The following GTF3C4 variants were observed in gnomAD, a reference collection of about 807,000 sequenced individuals.
The protein encoded by GTF3C4 is general transcription factor IIIC subunit 4.
A neutral mutation model predicts 67.5 loss-of-function variants in GTF3C4; 28 were observed. The ratio of observed to expected loss-of-function variants is 0.41; its 90% confidence interval spans 0.31 to 0.57. The LOEUF is 0.57. GTF3C4 is among the 20% of genes least tolerant of loss of function. The pLI is 0.21. For synonymous variants in GTF3C4, 409 were observed against 393.0 expected, an observed-to-expected ratio of 1.04 and a Z score of -0.48; for missense variants, 831 against 1,033.2, an observed-to-expected ratio of 0.80 and a Z score of 2.68.
At chr9:132,670,107 G>A (rs779253482), upstream of GTF3C4, 5 of 1,573,176 alleles carry the variant, frequency 3.2e-6, no homozygotes, top group South Asian at 3.4e-5. Flanking sequence ...CACCGGGCGG[G>A]TAGGGACAAG....
In GTF3C4 at chr9:132,678,675, C is replaced by T; in HGVS notation, c.1056C>T (p.Gly352=). 1 of 1,614,060 alleles carries T rather than the reference C, an allele frequency of 6.2e-7. No individual in the cohort carries two copies. The highest frequency in any genetic ancestry group is 1.7e-5 in the Admixed American group (1 of 60,018). ...ILPVNLKAVK[G]YFTLRQPVIL... is the part of the protein sequence containing the mutation. ...CTGTCAATCTCAAAGCAGTCAAAGGCTATTTCACTTTAAGGCAGCCTGTTA... is the reference window on the plus strand; with the variant it reads ...CTGTCAATCTCAAAGCAGTCAAAGGTTATTTCACTTTAAGGCAGCCTGTTA... Residue 352 remains glycine, a synonymous_variant, in exon 2 of 5, where the codon GGC becomes GGT. Transcript: ENST00000372146. This position sits in a 1 kb window ranked among gnomAD's most constrained non-coding sequence, Gnocchi z 6.5.
At chr9:132,675,983 C>T (rs1835859530) in intron 1 of GTF3C4, among the ~76,000 whole-genome samples, 3 of 140,596 alleles carry the variant, frequency 2.1e-5, no homozygotes, top group Admixed American at 1.6e-4. Context: ...ACTGCAGGCT[C>T]CACCTCCCGG....
intron 2 of GTF3C4, among the ~76,000 whole-genome samples, chr9:132,682,957 G>C (rs1835968640): frequency 6.6e-6 from 1 of 152,122 alleles, no homozygotes; most frequent in Non-Finnish European, 1.5e-5. Flanking sequence ...GAAAGGCCTA[G>C]AGCCTGTGCC....
At chr9:132,675,183 G>C (rs763991220) in intron 1 of GTF3C4, among the ~76,000 whole-genome samples, 24 of 152,110 alleles carry the variant, frequency 1.6e-4, no homozygotes, top group Non-Finnish European at 2.9e-4. Flanking sequence ...GGAAATTAAG[G>C]TCAGAAGGTT....
At chr9:132,671,059 C>T (rs1835732431) in intron 1 of GTF3C4, 104 bp downstream of exon 1, 3 of 770,468 alleles carry the variant, frequency 3.9e-6, no homozygotes, top group South Asian at 3.1e-5. Context: ...CGGGGATTTC[C>T]CTCTTCGCAC....
chr9:132,680,691 G>A (rs535977870), intron 2 of GTF3C4, among the ~76,000 whole-genome samples: 11 of 152,336 alleles, frequency 7.2e-5, no homozygotes, highest in Non-Finnish European at 8.8e-5. Flanking sequence ...GCACTTTCTT[G>A]TTGGAAAGAA....
Position 132,678,771 on chromosome 9 carries a change from G to T in GTF3C4, c.1152G>T (p.Gln384His), listed in dbSNP as rs1469145911. The change falls in exon 2 of 5, where the codon CAG becomes CAT. Residue 384 changes from glutamine to histidine, a missense_variant. By Grantham distance (24) the Gln-to-His change is conservative. Coordinates refer to ENST00000372146, the MANE Select transcript of GTF3C4 (RefSeq NM_012204.4). The surrounding 1 kb of genome is among the most constrained non-coding windows in gnomAD (Gnocchi z 6.5). ...IKCVPLYHPY[Q>H]KCSCSLVVAA... The stretch of plus-strand genomic sequence containing the variant: ...GTGTGCCACTTTATCATCCTTACCA[G>T]AAGTGTAGTTGCAGCTTAGTAGTGG... 1 of 1,614,134 alleles carries T rather than the reference G, an allele frequency of 6.2e-7. No homozygotes were observed. Among genetic ancestry groups the T allele is most frequent in the Non-Finnish European group, 8.5e-7 (1 of 1,179,968 alleles).
chr9:132,678,960 G>A lies in GTF3C4; in HGVS notation c.1341G>A (p.Val447=). The A allele has an allele frequency of 6.2e-7, 1 of 1,614,198 alleles. No homozygotes were observed. Among genetic ancestry groups the A allele is most frequent in the African/African-American group, 1.3e-5 (1 of 75,046 alleles). The part of the protein sequence containing the change: ...TVYTCSSDGK[V]RQLIPIFTDV... ...ATACTTGCTCCAGTGACGGAAAGGTGAGGCAGCTGATTCCCATTTTCACAG... is the reference window on the plus strand; with the variant it reads ...ATACTTGCTCCAGTGACGGAAAGGTAAGGCAGCTGATTCCCATTTTCACAG... The change falls in exon 2 of 5, where the codon GTG becomes GTA. Residue 447 remains valine, a synonymous_variant. Coordinates refer to ENST00000372146, the MANE Select transcript of GTF3C4 (RefSeq NM_012204.4). The surrounding 1 kb of genome is among the most constrained non-coding windows in gnomAD (Gnocchi z 6.5).
rs573540645 is a variant in GTF3C4, at chr9:132,691,847, A to G, written c.*2902A>G. 6.6e-6 allele frequency: 1 copy of G among 152,350 alleles called. No individual in the cohort carries two copies. The highest frequency in any genetic ancestry group is 1.5e-5 in the Non-Finnish European group (1 of 68,032). 9.4% of individuals were successfully genotyped at this position (152,350 alleles called of 1,614,324 possible). On this transcript the variant is annotated 3_prime_UTR_variant, in exon 5 of 5. Coordinates refer to ENST00000372146, the MANE Select transcript of GTF3C4 (RefSeq NM_012204.4). Reference sequence around the variant, plus strand: ...AAGTTTTTGAGAATGTTAATGTTGAAGTATGCAGGCTGGACCTACCAGCAA... The same window carrying G: ...AAGTTTTTGAGAATGTTAATGTTGAGGTATGCAGGCTGGACCTACCAGCAA...
chr9:132,670,650 C>T lies in GTF3C4; in HGVS notation c.52C>T (p.Pro18Ser). 6.8e-7 allele frequency: 1 copy of T among 1,476,744 alleles called. No homozygotes were observed. Among genetic ancestry groups the T allele is most frequent in the Non-Finnish European group, 8.9e-7 (1 of 1,124,910 alleles). The allele number at this position is 1,476,744 out of a possible 1,614,324, so 91.5% of individuals were successfully genotyped here. A position where few individuals can be genotyped will look rare whatever the true frequency, so the allele number is the denominator to read the frequency against. The change falls in exon 1 of 5, where the codon CCG (proline) becomes TCG (serine). Residue 18 changes from proline (P) to serine (S), a missense_variant. Pro to Ser is a moderately conservative substitution (Grantham distance 74, BLOSUM62 -1). Coordinates refer to ENST00000372146, the MANE Select transcript of GTF3C4 (RefSeq NM_012204.4). Reference sequence around the variant, plus strand: ...GGGGCCCGCGGACGACGGGCCTGCGCCGTCTGGGGAGGAGGAGGGAGAGGG... The same window carrying T: ...GGGGCCCGCGGACGACGGGCCTGCGTCGTCTGGGGAGGAGGAGGGAGAGGG... Reference protein sequence around the residue: ...RVGPADDGPAPSGEEEGEGGG... With the variant: ...RVGPADDGPASSGEEEGEGGG...
At position 132,689,507 on chromosome 9, in the gene GTF3C4, A is replaced by G. The variant is rs915207290; in HGVS notation, c.*562A>G. ...ATCCCTCCATTCTTGTTTTTTATGC[A>G]TATGGAAAACATTTTCCTAAAACTC... On this transcript the variant is annotated 3_prime_UTR_variant, in exon 5 of 5. Transcript: ENST00000372146. 1.3e-5 allele frequency: 2 copies of G among 152,592 alleles called. No individual in the cohort carries two copies. The highest frequency in any genetic ancestry group is 6.5e-5 in the Admixed American group (1 of 15,338). 9.5% of individuals were successfully genotyped at this position (152,592 alleles called of 1,614,324 possible). A position where few individuals can be genotyped will look rare whatever the true frequency, so the allele number is the denominator to read the frequency against.
intron 2 of GTF3C4, among the ~76,000 whole-genome samples, chr9:132,681,143 C>T (rs1835938360): frequency 6.6e-6 from 1 of 152,182 alleles, no homozygotes; most frequent in Non-Finnish European, 1.5e-5. Flanking sequence ...TTGTGTTCCA[C>T]ATTGTCTGGA....
intron 3 of GTF3C4, 96 bp from the exon 4 acceptor site, chr9:132,687,143 G>A (rs766249958): frequency 3.2e-5 from 25 of 778,660 alleles, no homozygotes; most frequent in Non-Finnish European, 5.2e-5. Context: ...GTTAATGTGT[G>A]GTTTTATGAT....
In GTF3C4 at chr9:132,693,457, A is replaced by G. The variant is rs1836149786; in HGVS notation, c.*4512A>G. ...ATATGCTTTGCCAACATGATCTAAG[A>G]AGGTATTCATTCTTTCTGGGTTTGA... On this transcript the variant is annotated 3_prime_UTR_variant, in exon 5 of 5. Transcript: ENST00000372146. 6.6e-6 allele frequency: 1 copy of G among 152,192 alleles called. No individual in the cohort carries two copies. Among genetic ancestry groups the G allele is most frequent in the Non-Finnish European group, 1.5e-5 (1 of 68,030 alleles). The allele number at this position is 152,192 out of a possible 1,614,324, so 9.4% of individuals were successfully genotyped here.
intron 1 of GTF3C4, among the ~76,000 whole-genome samples, chr9:132,674,326 T>C (rs1482605059): frequency 6.6e-6 from 1 of 152,258 alleles, no homozygotes; most frequent in Non-Finnish European, 1.5e-5. Flanking sequence ...GGCATCTGAA[T>C]ACTTGATTTG....
In GTF3C4 at chr9:132,693,172, A is replaced by G. The variant is rs1836144475; in HGVS notation, c.*4227A>G. ...AGTCCATGTCTCATTGATAGGATGT[A>G]GCCTGCCATCTGCATAGATGGTTTA... On this transcript the variant is annotated 3_prime_UTR_variant, in exon 5 of 5. Transcript: ENST00000372146. 1.3e-5 allele frequency: 2 copies of G among 152,246 alleles called. No homozygotes were observed. Among genetic ancestry groups the G allele is most frequent in the Non-Finnish European group, 2.9e-5 (2 of 68,046 alleles). The allele number at this position is 152,246 out of a possible 1,614,324, so 9.4% of individuals were successfully genotyped here.
At chr9:132,672,097 TGAA>T (rs1293108707) in intron 1 of GTF3C4, among the ~76,000 whole-genome samples, 5 of 152,154 alleles carry the variant, frequency 3.3e-5, no homozygotes, top group African/African-American at 1.2e-4. Context: ...AAGATCTTCT[TGAA>T]GAAGATATGA....
chr9:132,671,917 CAT>C (rs1421900701), intron 1 of GTF3C4, among the ~76,000 whole-genome samples: 1 of 152,142 alleles, frequency 6.6e-6, no homozygotes, highest in Non-Finnish European at 1.5e-5. Flanking sequence ...ACATAGAGAA[CAT>C]GTTTATGTGT....
chr9:132,678,407 A>G lies in GTF3C4; in HGVS notation c.788A>G (p.Lys263Arg), dbSNP rs1481048356. The G allele has an allele frequency of 2.5e-6, 4 of 1,614,140 alleles. No homozygotes were observed. Among genetic ancestry groups the G allele is most frequent in the African/African-American group, 1.3e-5 (1 of 74,946 alleles). Residue 263 changes from lysine to arginine, a missense_variant, in exon 2 of 5, where the codon AAG becomes AGG. Transcript: ENST00000372146. This position sits in a 1 kb window ranked among gnomAD's most constrained non-coding sequence, Gnocchi z 6.5. The stretch of plus-strand genomic sequence containing the variant: ...GGCATCTGTACCACCCAGCAGGTCA[A>G]GCATAACAACGAATGCCGGGACGTT... ...WSGICTTQQV[K>R]HNNECRDVGS...
Sources: gnomAD v4.1 joint callset for allele counts (sites outside exome capture counted in the v4.1 genomes callset) on GRCh38, gnomAD v4.1.1 for gene constraint, Gnocchi (gnomAD v3.1) non-coding constraint, MANE v1.5 for transcripts, NCBI Gene and HGNC (gene_info 2026-07-23, HGNC 2026-07-21) for gene names.